Variants in GRM8 observed in about 807,000 individuals in gnomAD.
GRM8 encodes metabotropic glutamate receptor 8.
GRM8 carries 47 observed loss-of-function variants against 87.2 expected under a neutral mutation model. The ratio of observed to expected loss-of-function variants is 0.54; its 90% CI spans 0.43 to 0.69. GRM8 has a LOEUF of 0.69. Among genes scored for constraint, GRM8 ranks in the 30% least tolerant of loss-of-function variants. The pLI is 0.00. For synonymous variants in GRM8, 396 were observed against 404.5 expected (o/e 0.98, Z 0.25); for missense variants, 1,019 against 1,139.2 (o/e 0.89, Z 1.52).
chr7:127,199,698 T>G (rs1015087069), intron 2 of GRM8, among the ~76,000 whole-genome samples: 1 of 152,204 alleles, frequency 6.6e-6, no homozygotes, highest in African/African-American at 2.4e-5. Flanking sequence ...TTGTTAAAAA[T>G]GATGCAAATT....
chr7:126,649,650 G>A (rs1462752236), intron 7 of GRM8, among the ~76,000 whole-genome samples: 1 of 152,202 alleles, frequency 6.6e-6, no homozygotes, highest in Non-Finnish European at 1.5e-5. Context: ...TGAAGGATAA[G>A]TTGCTGCATT....
intron 6 of GRM8, among the ~76,000 whole-genome samples, chr7:126,853,536 C>A (rs1477058200): frequency 6.6e-6 from 1 of 152,096 alleles, no homozygotes; most frequent in Non-Finnish European, 1.5e-5. Context: ...ACAATTGAAC[C>A]AAGTCGTTTT....
intron 8 of GRM8, among the ~76,000 whole-genome samples, chr7:126,565,197 C>T (rs187728240): frequency 1.3e-5 from 2 of 151,940 alleles, no homozygotes; most frequent in African/African-American, 4.8e-5. Flanking sequence ...CCAGCCAGGG[C>T]AATTAGACAA....
At chr7:126,684,189 A>G (rs1427333797) in intron 7 of GRM8, among the ~76,000 whole-genome samples, 1 of 152,182 alleles carries the variant, frequency 6.6e-6, no homozygotes, top group Non-Finnish European at 1.5e-5. Flanking sequence ...TGGGCGGTGT[A>G]GGCTGATACT....
At chr7:127,105,558 T>C (rs1368221537) in intron 3 of GRM8, among the ~76,000 whole-genome samples, 1 of 152,236 alleles carries the variant, frequency 6.6e-6, no homozygotes, top group Non-Finnish European at 1.5e-5. Flanking sequence ...ATTCCCATGA[T>C]CTTTCTCTGA....
At chr7:127,011,972 C>A (rs1013336983) in intron 3 of GRM8, among the ~76,000 whole-genome samples, 1 of 152,108 alleles carries the variant, frequency 6.6e-6, no homozygotes, top group Non-Finnish European at 1.5e-5. Flanking sequence ...CGACATTAAT[C>A]ATTTCATAAC....
rs1259889033 is a variant in GRM8, at chr7:126,753,754, T to A, written c.1357+16111A>T. Among the ~76,000 whole-genome samples, 5 of 151,916 alleles carry A rather than the reference T, an allele frequency of 3.3e-5. No homozygotes were observed. In the East Asian group the frequency reaches 9.6e-4, roughly 29 times the overall value. On this transcript the variant is annotated intron_variant, in intron 7 of 10. Coordinates refer to ENST00000339582, the MANE Select transcript of GRM8 (RefSeq NM_000845.3). ...TCAAATACTGAAAGAATGTTTATTA[T>A]TCAAACATGGGATAGGGAAAAAATA...
intron 3 of GRM8, among the ~76,000 whole-genome samples, chr7:127,009,501 G>A (rs2132096433): frequency 6.6e-6 from 1 of 152,156 alleles, no homozygotes; most frequent in South Asian, 2.1e-4. Flanking sequence ...TCAGTAAGTG[G>A]TACCTCATAG....
chr7:127,000,524 A>G (rs1813624084), intron 3 of GRM8, among the ~76,000 whole-genome samples: 1 of 151,736 alleles, frequency 6.6e-6, no homozygotes, highest in Non-Finnish European at 1.5e-5. Flanking sequence ...TACACTTACT[A>G]TGTACCTACA....
chr7:127,008,951 C>T (rs1438505851), intron 3 of GRM8, among the ~76,000 whole-genome samples: 1 of 152,102 alleles, frequency 6.6e-6, no homozygotes, highest in Non-Finnish European at 1.5e-5. Context: ...ATAACACATG[C>T]CACCATCTTA....
intron 3 of GRM8, among the ~76,000 whole-genome samples, chr7:127,101,748 A>G (rs904891997): frequency 6.6e-6 from 1 of 152,170 alleles, no homozygotes; most frequent in Non-Finnish European, 1.5e-5. Flanking sequence ...ACAGCCTAAC[A>G]CAGAAGATTG....
chr7:127,054,009 G>A (rs1819742128), intron 3 of GRM8, among the ~76,000 whole-genome samples: 1 of 152,008 alleles, frequency 6.6e-6, no homozygotes. Flanking sequence ...ACTGGTATAG[G>A]TTTACAGTAC....
chr7:127,167,294 G>A (rs915035943), intron 2 of GRM8, among the ~76,000 whole-genome samples: 2 of 152,144 alleles, frequency 1.3e-5, no homozygotes, highest in African/African-American at 4.8e-5. Flanking sequence ...ATAAAATGCT[G>A]TTCCCTCCCC....
intron 8 of GRM8, among the ~76,000 whole-genome samples, chr7:126,537,608 C>G (rs1198605849): frequency 6.6e-6 from 1 of 152,056 alleles, no homozygotes; most frequent in Non-Finnish European, 1.5e-5. Flanking sequence ...AACCCTGTCT[C>G]TTCTAAAAAT....
intron 9 of GRM8, among the ~76,000 whole-genome samples, chr7:126,473,506 T>C (rs1349895106): frequency 1.3e-5 from 2 of 152,188 alleles, no homozygotes; most frequent in Non-Finnish European, 2.9e-5. Flanking sequence ...TAACTTGCTT[T>C]TGATTATGTA....
At chr7:126,466,607 C>T (rs2150537168) in intron 9 of GRM8, among the ~76,000 whole-genome samples, 1 of 151,932 alleles carries the variant, frequency 6.6e-6, no homozygotes, top group East Asian at 2.0e-4. Flanking sequence ...AGTCCAAAGA[C>T]CTGAGTACCA....
chr7:126,860,934 GA>G (rs1312666686), intron 6 of GRM8, among the ~76,000 whole-genome samples: 2 of 152,090 alleles, frequency 1.3e-5, no homozygotes, highest in African/African-American at 4.8e-5. Context: ...TATAAATAAT[GA>G]AGAATCCATT....
intron 2 of GRM8, among the ~76,000 whole-genome samples, chr7:127,113,430 A>G (rs1282912335): frequency 6.6e-6 from 1 of 152,144 alleles, no homozygotes; most frequent in Non-Finnish European, 1.5e-5. Context: ...ACAATTTAAG[A>G]CCTGAATCAC....
chr7:127,251,438 A>G (rs1323505120), intron 1 of GRM8, among the ~76,000 whole-genome samples: 2 of 152,094 alleles, frequency 1.3e-5, no homozygotes, highest in Non-Finnish European at 2.9e-5. Flanking sequence ...CGCGCTTGGC[A>G]TGGCTGAGCG....
Sources: gnomAD v4.1 joint callset for allele counts (sites outside exome capture counted in the v4.1 genomes callset) on GRCh38, gnomAD v4.1.1 for gene constraint, MANE v1.5 for transcripts, NCBI Gene and HGNC (gene_info 2026-07-23, HGNC 2026-07-21) for gene names.